Variants in SCNN1A observed in about 807,000 individuals in gnomAD.
SCNN1A encodes epithelial sodium channel subunit alpha.
SCNN1A carries 65 observed loss-of-function variants against 68.6 expected under a neutral mutation model. The observed-to-expected ratio is 0.95, with a 90% confidence interval of 0.78 to 1.16. The LOEUF is 1.16. Ranked by LOEUF, SCNN1A falls within the 50% of genes most tolerant of loss-of-function variation. The pLI is 0.00. For missense variants in SCNN1A, 880 were observed against 865.9 expected, an observed-to-expected ratio of 1.02 and a Z score of -0.20; for synonymous variants, 357 against 353.3, an observed-to-expected ratio of 1.01 and a Z score of -0.12.
chr12:6,374,743 G>A lies in SCNN1A; in HGVS notation c.41C>T (p.Pro14Leu). ...CTTCATGAGCCCTGGAGTGGACTGT[G>A]GAGGGCTAGAGTCCTGCTCCTCCAG... ...NKLEEQDSSP[P>L]QSTPGLMKGN... Residue 14 changes from proline to leucine, a missense_variant, in exon 2 of 13, where the codon CCA becomes CTA. By Grantham distance (98) the Pro-to-Leu change is moderately conservative (BLOSUM62 -3). Transcript: ENST00000228916. This position sits in a 1 kb window ranked among gnomAD's most constrained non-coding sequence, Gnocchi z 6.2. 1 of 1,614,134 alleles carries A rather than the reference G, an allele frequency of 6.2e-7. No homozygotes were observed. The highest frequency in any genetic ancestry group is 1.1e-5 in the South Asian group (1 of 91,082).
At chr12:6,348,636 C>T (rs1354953954) in intron 12 of SCNN1A, 91 bp downstream of exon 12, 31 of 1,127,540 alleles carry the variant, frequency 2.7e-5, no homozygotes, top group Non-Finnish European at 3.8e-5. Flanking sequence ...AGCCTTCTGG[C>T]CCACAGAGAC....
chr12:6,374,924 C>G lies in SCNN1A; in HGVS notation c.-54-87G>C. The stretch of plus-strand genomic sequence containing the variant: ...CCCTGAGTGCCCTCTCCCATCACCC[C>G]TGGAACCCGAGTGAGGCTGCCCCTG... On this transcript the variant is annotated intron_variant, in intron 1 of 12. Coordinates refer to ENST00000228916, the MANE Select transcript of SCNN1A (RefSeq NM_001038.6). This position sits in a 1 kb window ranked among gnomAD's most constrained non-coding sequence, Gnocchi z 6.2. 6.2e-7 allele frequency: 1 copy of G among 1,602,476 alleles called. No individual in the cohort carries two copies. Among genetic ancestry groups the G allele is most frequent in the Non-Finnish European group, 8.5e-7 (1 of 1,174,254 alleles).
intron 3 of SCNN1A, 68 bp from the exon 4 acceptor site, chr12:6,362,309 C>T: frequency 7.3e-7 from 1 of 1,373,142 alleles, no homozygotes; most frequent in East Asian, 2.3e-5. Flanking sequence ...GGGCCAAGGG[C>T]AAAGAATGAG....
chr12:6,375,335 C>G, intron 1 of SCNN1A, 170 bp downstream of exon 1: 1 of 1,442,500 alleles, frequency 6.9e-7, no homozygotes. Flanking sequence ...GCCCTCAGCT[C>G]CAGCCTCTGG....
At chr12:6,352,633 C>T (rs1268338848) in intron 8 of SCNN1A, among the ~76,000 whole-genome samples, 2 of 152,208 alleles carry the variant, frequency 1.3e-5, no homozygotes, top group East Asian at 1.9e-4. Context: ...CGTGTCACAT[C>T]CTCCCCCTGG....
At chr12:6,354,622 C>G in intron 7 of SCNN1A, 67 bp from the exon 8 acceptor site, 1 of 1,412,134 alleles carries the variant, frequency 7.1e-7, no homozygotes, top group Non-Finnish European at 1.0e-6. Context: ...CTGCACAGAG[C>G]CTCCATCCTC....
rs776977349 is a variant in SCNN1A, at chr12:6,362,224, C to T, written c.702G>A (p.Ser234=). The change falls in exon 4 of 13, where the codon TCG becomes TCA. Residue 234 remains serine, a synonymous_variant. Coordinates refer to ENST00000228916, the MANE Select transcript of SCNN1A (RefSeq NM_001038.6). ...IGFQLCNQNK[S]DCFYQTYSSG... is the part of the protein sequence containing the mutation. ...ATGAGTATGTCTGGTAGAAGCAGTC[C>T]GATTTGTTCTGGTTGCACTGGACAC... 2.5e-5 allele frequency: 41 copies of T among 1,613,998 alleles called. No individual in the cohort carries two copies. In the South Asian group the frequency reaches 2.7e-4, roughly 11 times the overall value.
At chr12:6,349,130 C>A in intron 10 of SCNN1A, 34 bp downstream of exon 10, 1 of 1,609,484 alleles carries the variant, frequency 6.2e-7, no homozygotes, top group Non-Finnish European at 8.5e-7. Flanking sequence ...CATGGGCACA[C>A]ACATCCCCCA....
Position 6,354,792 on chromosome 12 carries a change from A to T in SCNN1A, c.1200T>A (p.Asp400Glu), listed in dbSNP as rs763054871. 4 of 1,613,640 alleles carry T rather than the reference A, an allele frequency of 2.5e-6. No individual in the cohort carries two copies. In the African/African-American group the frequency reaches 5.4e-5, roughly 22 times the overall value. The stretch of plus-strand genomic sequence containing the variant: ...AAGGGTAAAGGTTCTCAACAGGAAC[A>T]TCACTGCCATTCTTGGTGCAGTCGC... ...DYGDCTKNGS[D>E]VPVENLYPSK... Residue 400 changes from aspartate to glutamate, a missense_variant, in exon 7 of 13, where the codon GAT (aspartate) becomes GAA (glutamate). Around this residue, in one of 3 missense-constraint regions of SCNN1A, gnomAD observed 758 missense variants for 721.8 expected, o/e 1.05. Coordinates refer to ENST00000228916, the MANE Select transcript of SCNN1A (RefSeq NM_001038.6).
In SCNN1A at chr12:6,363,679, G is replaced by T; in HGVS notation, c.448C>A (p.Leu150Met). 6.2e-7 allele frequency: 1 copy of T among 1,603,322 alleles called. No homozygotes were observed. The highest frequency in any genetic ancestry group is 1.1e-5 in the South Asian group (1 of 89,834). ...AGCGTCTGCTCTGTGATGCGGTCCAGCTCCTCCAGCTCCTCTTTAATTTCC... is the reference window on the plus strand; with the variant it reads ...AGCGTCTGCTCTGTGATGCGGTCCATCTCCTCCAGCTCCTCTTTAATTTCC... Reference protein sequence around the residue: ...YPEIKEELEELDRITEQTLFD... With the variant: ...YPEIKEELEEMDRITEQTLFD... The change falls in exon 3 of 13, where the codon CTG becomes ATG. Residue 150 changes from leucine (L) to methionine (M), a missense_variant. Physicochemically the swap from Leu to Met is conservative, Grantham distance 15. Transcript: ENST00000228916.
intron 8 of SCNN1A, chr12:6,353,685 G>GA (rs1490452359): frequency 1.2e-5 from 1 of 86,480 alleles, no homozygotes. Flanking sequence ...CGCCTCCCGG[G>GA]TCCACACCAT....
At chr12:6,363,888 G>T in intron 2 of SCNN1A, 178 bp from the exon 3 acceptor site, 1 of 502,612 alleles carries the variant, frequency 2.0e-6, no homozygotes, top group Non-Finnish European at 3.4e-6. Flanking sequence ...AAACAGGTGT[G>T]TCCGCCGGGA....
In SCNN1A at chr12:6,374,330, G is replaced by A. The variant is rs758670209; in HGVS notation, c.416+38C>T. 5.6e-6 allele frequency: 9 copies of A among 1,608,416 alleles called. No homozygotes were observed. The highest frequency in any genetic ancestry group is 1.1e-5 in the South Asian group (1 of 90,458). ...TCAGCACCCTGGACCACCCTTCCAG[G>A]CGCAGGCACCAGGGAAGGGGCAGAG... On this transcript the variant is annotated intron_variant, in intron 2 of 12. Coordinates refer to ENST00000228916, the MANE Select transcript of SCNN1A (RefSeq NM_001038.6). The surrounding 1 kb of genome is among the most constrained non-coding windows in gnomAD (Gnocchi z 6.2).
rs367681929 is a variant in SCNN1A at position 6,347,934 on chromosome 12, C to G, written c.1949G>C (p.Arg650Pro). Residue 650 changes from arginine to proline, a missense_variant, in exon 13 of 13, where the codon CGC becomes CCC. Arg to Pro is a moderately radical substitution (Grantham distance 103). Coordinates refer to ENST00000228916, the MANE Select transcript of SCNN1A (RefSeq NM_001038.6). ...PPPAYATLGP[R>P]PSPGGSAGAS... ...CCCTGCAGAGCCCCCTGGAGATGGG[C>G]GGGGGCCCAGGGTGGCATAGGCAGG... is the stretch of plus-strand genomic sequence containing the variant. The G allele has an allele frequency of 6.3e-7, 1 of 1,584,822 alleles. No individual in the cohort carries two copies.
Position 6,355,432 on chromosome 12 carries a change from A to T in SCNN1A, c.983T>A (p.Leu328Gln). 6.2e-7 allele frequency: 1 copy of T among 1,613,858 alleles called. No homozygotes were observed. The highest frequency in any genetic ancestry group is 8.5e-7 in the Non-Finnish European group (1 of 1,179,954). ...MSSMPGINNGLSLMLRAEQND... is the reference protein window; with the variant it reads ...MSSMPGINNGQSLMLRAEQND... ...CTGCTCTGCGCGCAGCATCAGGGAC[A>T]GACCTAGGGGTGCAGAGAGAGCAGA... Residue 328 changes from leucine to glutamine, a missense_variant, in exon 6 of 13, where the codon CTG becomes CAG. By Grantham distance (113) the Leu-to-Gln change is moderately radical. Coordinates refer to ENST00000228916, the MANE Select transcript of SCNN1A (RefSeq NM_001038.6).
At position 6,347,734 on chromosome 12, in the gene SCNN1A, A is replaced by G; in HGVS notation, c.*139T>C. The stretch of plus-strand genomic sequence containing the variant: ...GGAGCAACTTCCTGAGCCCTTACCC[A>G]TCTTGCTTCCCCTCCACACATCAAC... On this transcript the variant is annotated 3_prime_UTR_variant, in exon 13 of 13. Coordinates refer to ENST00000228916, the MANE Select transcript of SCNN1A (RefSeq NM_001038.6). The G allele has an allele frequency of 2.7e-6, 2 of 745,236 alleles. No homozygotes were observed. Among genetic ancestry groups the G allele is most frequent in the Non-Finnish European group, 2.3e-6 (1 of 430,020 alleles). 46.2% of individuals were successfully genotyped at this position (745,236 alleles called of 1,614,324 possible). A position where few individuals can be genotyped will look rare whatever the true frequency, so the allele number is the denominator to read the frequency against.
At chr12:6,359,290 G>T (rs1233770593) in intron 4 of SCNN1A, among the ~76,000 whole-genome samples, 4 of 152,154 alleles carry the variant, frequency 2.6e-5, no homozygotes, top group African/African-American at 9.7e-5. Context: ...AGATTATAGG[G>T]TGGGGGAAAA....
In SCNN1A at chr12:6,351,971, G is replaced by A. The variant is rs545675924; in HGVS notation, c.1360+2467C>T. 1.2e-3 allele frequency among the ~76,000 whole-genome samples: 180 copies of A among 152,184 alleles called. 1 individual carries two copies. The highest frequency in any genetic ancestry group is 4.2e-3 in the African/African-American group (175 of 41,548). On this transcript the variant is annotated intron_variant, in intron 8 of 12. Transcript: ENST00000228916. The surrounding 1 kb of genome is among the most constrained non-coding windows in gnomAD (Gnocchi z 4.2). ...TCGCCACGTTGCCCAGGCTGGTGTC[G>A]AAATCCTGGGCTCAAGTGATCTGCC...
chr12:6,377,127 AAGGCAGTACTCC>A, upstream of SCNN1A: 1 of 678,224 alleles, frequency 1.5e-6, no homozygotes, highest in Non-Finnish European at 2.5e-6. Flanking sequence ...AAGAAGAGAA[AAGGCAGTACTCC>A]AGGCTCAGGG....
Sources: allele counts gnomAD v4.1 joint callset (sites outside exome capture counted in the v4.1 genomes callset), GRCh38; gene constraint gnomAD v4.1.1; regional missense constraint gnomAD v4.1.1; non-coding constraint Gnocchi (gnomAD v3.1); transcripts MANE v1.5; gene names NCBI Gene and HGNC (gene_info 2026-07-23, HGNC 2026-07-21).